The following LNPEP variants were observed in gnomAD, a reference collection of about 807,000 sequenced individuals.
LNPEP encodes leucyl-cystinyl aminopeptidase.
Under a neutral mutation model 120.6 loss-of-function variants are expected in LNPEP, and 64 were observed. The ratio of observed to expected loss-of-function variants is 0.53; its 90% CI spans 0.43 to 0.65. The LOEUF (loss-of-function observed/expected upper bound fraction) is 0.65. LNPEP is among the 30% of genes least tolerant of loss of function. The pLI is 0.00. For missense variants in LNPEP, 1,057 were observed against 1,200.0 expected, an observed-to-expected ratio of 0.88 and a Z score of 1.76; for synonymous variants, 435 against 425.4, an observed-to-expected ratio of 1.02 and a Z score of -0.28.
chr5:97,009,008 T>A (rs1790862121), intron 11 of LNPEP, among the ~76,000 whole-genome samples: 1 of 152,128 alleles, frequency 6.6e-6, no homozygotes, highest in Non-Finnish European at 1.5e-5. Context: ...TTTTGAGAGT[T>A]TAACCCCATA....
intron 11 of LNPEP, 129 bp downstream of exon 11, chr5:97,006,644 A>T (rs903335846): frequency 9.6e-6 from 6 of 626,538 alleles, no homozygotes; most frequent in African/African-American, 1.9e-5. Flanking sequence ...CATATGCAAG[A>T]TGTGACTAAT....
chr5:97,004,270 T>G (rs1433027942), intron 9 of LNPEP, among the ~76,000 whole-genome samples: 1 of 152,172 alleles, frequency 6.6e-6, no homozygotes, highest in Non-Finnish European at 1.5e-5. Context: ...ATCCCAGCAC[T>G]TTGGGAGGCC....
chr5:97,011,905 A>C (rs1790937518), intron 11 of LNPEP, among the ~76,000 whole-genome samples: 1 of 152,206 alleles, frequency 6.6e-6, no homozygotes, highest in Non-Finnish European at 1.5e-5. Context: ...AATAACAAAG[A>C]TATTAAGGGC....
At chr5:97,000,888 TACG>T (rs1430661367) in intron 8 of LNPEP, among the ~76,000 whole-genome samples, 1 of 151,954 alleles carries the variant, frequency 6.6e-6, no homozygotes, top group Non-Finnish European at 1.5e-5. Flanking sequence ...TTGAGAGAGA[TACG>T]AGATTGAGAT....
chr5:96,954,247 A>AT (rs1394204777), intron 1 of LNPEP, among the ~76,000 whole-genome samples: 1 of 152,226 alleles, frequency 6.6e-6, no homozygotes, highest in Non-Finnish European at 1.5e-5. Context: ...AAATGTAATT[A>AT]TAAGGTCAGC....
At chr5:96,993,434 A>T (rs994006101) in intron 5 of LNPEP, among the ~76,000 whole-genome samples, 1 of 152,182 alleles carries the variant, frequency 6.6e-6, no homozygotes, top group Admixed American at 6.6e-5. Flanking sequence ...TACCCTATTT[A>T]AATAATAAAA....
rs142631770 is a variant in LNPEP, at chr5:97,010,779, A to G, written c.2036-2869A>G. On this transcript the variant is annotated intron_variant, in intron 11 of 17. Coordinates refer to ENST00000231368, the MANE Select transcript of LNPEP (RefSeq NM_005575.3). ...TTGATGACTATAGTAAATTAAAAAC[A>G]TATGAGGGTAGCTTCATCCACGTTT... 1,109 of 985,414 alleles carry G rather than the reference A, an allele frequency of 1.1e-3. 11 individuals carry two copies. The African/African-American group carries it at 0.018, about 16-fold the overall frequency. 61.0% of individuals were successfully genotyped at this position (985,414 alleles called of 1,614,324 possible).
At chr5:97,020,437 C>T (rs1475590310) in intron 13 of LNPEP, among the ~76,000 whole-genome samples, 1 of 152,126 alleles carries the variant, frequency 6.6e-6, no homozygotes, top group Non-Finnish European at 1.5e-5. Context: ...GTGCTTATTC[C>T]TTCAGAGGGG....
At chr5:96,997,973 G>T in intron 7 of LNPEP, 41 bp from the exon 8 acceptor site, 1 of 1,379,598 alleles carries the variant, frequency 7.2e-7, no homozygotes, top group South Asian at 1.3e-5. Context: ...TTTTGCATTT[G>T]ATACTACTTG....
intron 1 of LNPEP, among the ~76,000 whole-genome samples, chr5:96,946,421 A>G (rs536364884): frequency 7.9e-5 from 12 of 152,336 alleles, no homozygotes; most frequent in African/African-American, 2.9e-4. Context: ...GTTGAATTAG[A>G]TGGAAATAAG....
At chr5:96,982,502 T>C (rs1206084938) in intron 2 of LNPEP, among the ~76,000 whole-genome samples, 6 of 152,234 alleles carry the variant, frequency 3.9e-5, no homozygotes, top group Middle Eastern at 3.2e-3. Context: ...AACAACAGTT[T>C]AAGGCTTTTT....
chr5:96,960,469 G>T (rs1249397180), intron 1 of LNPEP, among the ~76,000 whole-genome samples: 2 of 152,184 alleles, frequency 1.3e-5, no homozygotes, highest in African/African-American at 4.8e-5. Context: ...ATCTTTAGTT[G>T]TTAATTGAAA....
rs774756993 is a variant in LNPEP, at chr5:97,013,679, G to C, written c.2067G>C (p.Trp689Cys). The change falls in exon 12 of 18, where the codon TGG (tryptophan) becomes TGC (cysteine). Residue 689 changes from tryptophan to cysteine, a missense_variant. Trp to Cys is a radical substitution (Grantham distance 215). Coordinates refer to ENST00000231368, the MANE Select transcript of LNPEP (RefSeq NM_005575.3). ...TCAATCTTACAGAAGAAGTGCTGTG[G>C]GTCAAAGTGAATATAAACATGAATG... ...GVINLTEEVL[W>C]VKVNINMNGY... The C allele has an allele frequency of 6.4e-7, 1 of 1,567,790 alleles. No individual in the cohort carries two copies. Among genetic ancestry groups the C allele is most frequent in the East Asian group, 2.3e-5 (1 of 42,674 alleles).
At chr5:97,022,103 G>C (rs183722680) in intron 13 of LNPEP, among the ~76,000 whole-genome samples, 197 bp from the exon 14 acceptor site, 23 of 151,204 alleles carry the variant, frequency 1.5e-4, no homozygotes, top group Admixed American at 1.3e-3. Context: ...CCTAATTTTT[G>C]TATTTTCTAC....
At chr5:97,027,015 C>T (rs549393613) in intron 16 of LNPEP, among the ~76,000 whole-genome samples, 5 of 152,298 alleles carry the variant, frequency 3.3e-5, no homozygotes, top group Admixed American at 3.3e-4. Context: ...CTCAGCGTGG[C>T]TACAGACTAT....
At chr5:97,020,448 GTATC>G (rs1791165767) in intron 13 of LNPEP, among the ~76,000 whole-genome samples, 1 of 151,798 alleles carries the variant, frequency 6.6e-6, no homozygotes, top group South Asian at 2.1e-4. Context: ...TTCAGAGGGG[GTATC>G]TGTTGAATTT....
chr5:96,985,775 C>G (rs1285455347), intron 3 of LNPEP, among the ~76,000 whole-genome samples: 1 of 141,590 alleles, frequency 7.1e-6, no homozygotes, highest in Non-Finnish European at 1.5e-5. Context: ...TTTTTTTGGT[C>G]TTAGACACCT....
At chr5:96,949,576 G>A (rs1170921995) in intron 1 of LNPEP, among the ~76,000 whole-genome samples, 4 of 152,200 alleles carry the variant, frequency 2.6e-5, no homozygotes, top group Non-Finnish European at 5.9e-5. Context: ...AGCCTAAAGA[G>A]TAGAGGAACT....
intron 1 of LNPEP, among the ~76,000 whole-genome samples, chr5:96,953,117 G>A (rs1003553237): frequency 6.6e-6 from 1 of 151,832 alleles, no homozygotes; most frequent in African/African-American, 2.4e-5. Context: ...GGACCAGCCC[G>A]TGGGGTTTGA....
Sources: allele counts gnomAD v4.1 joint callset (sites outside exome capture counted in the v4.1 genomes callset), GRCh38; gene constraint gnomAD v4.1.1; transcripts MANE v1.5; gene names NCBI Gene and HGNC (gene_info 2026-07-23, HGNC 2026-07-21).